Variants in TMEM131L observed in about 807,000 individuals in gnomAD.
TMEM131L encodes transmembrane 131 like, also known as transmembrane protein 131-like.
Under a neutral mutation model 192.2 loss-of-function variants are expected in TMEM131L, and 54 were observed. That is an observed-to-expected ratio of 0.28 (90% CI 0.23 to 0.35). The LOEUF (loss-of-function observed/expected upper bound fraction) is 0.35, where lower values mean the gene tolerates loss of function less well. Ranked by LOEUF, TMEM131L falls within the 10% of genes least tolerant of loss-of-function variation. The probability of loss-of-function intolerance (pLI) is 1.00; values close to 1 mark genes in which losing one functional copy is unlikely to be tolerated. For missense variants in TMEM131L, 1,888 were observed against 1,972.9 expected (o/e 0.96, Z 0.82); for synonymous variants, 701 against 704.9 (o/e 0.99, Z 0.09).
chr4:153,624,103 A>AT (rs1733649865), intron 29 of TMEM131L, among the ~76,000 whole-genome samples: 1 of 123,296 alleles, frequency 8.1e-6, no homozygotes. Context: ...CTTTTCACTC[A>AT]GTTTTTTTTT....
At chr4:153,598,289 A>G (rs1022545803) in intron 20 of TMEM131L, among the ~76,000 whole-genome samples, 6 of 151,092 alleles carry the variant, frequency 4.0e-5, no homozygotes, top group African/African-American at 1.5e-4. Context: ...GTTTCTAGTT[A>G]TTAGAAAAAT....
chr4:153,593,726 G>GCA (rs1273704226), intron 18 of TMEM131L, 73 bp from the exon 19 acceptor site: 26 of 958,486 alleles, frequency 2.7e-5, no homozygotes, highest in Non-Finnish European at 3.9e-5. Flanking sequence ...GTATATATGT[G>GCA]CACACACTTA....
At position 153,491,956 on chromosome 4, in the gene TMEM131L, C is replaced by T. The variant is rs181194278; in HGVS notation, c.239+18068C>T. Among the ~76,000 whole-genome samples, 157 of 152,042 alleles carry T rather than the reference C, an allele frequency of 1.0e-3. 1 individual carries two copies. Among genetic ancestry groups the T allele is most frequent in the Non-Finnish European group, 1.8e-3 (122 of 67,940 alleles). On this transcript the variant is annotated intron_variant, in intron 3 of 34. Transcript: ENST00000409959. ...CCTAAGCTCAAGTGATCCACCCACT[C>T]CCCAAAGTGTTGGGATTGTAGGCAG... is the stretch of plus-strand genomic sequence containing the variant.
At chr4:153,509,479 C>A (rs903123233) in intron 3 of TMEM131L, among the ~76,000 whole-genome samples, 1 of 152,144 alleles carries the variant, frequency 6.6e-6, no homozygotes, top group Non-Finnish European at 1.5e-5. Flanking sequence ...GTAATCCCAG[C>A]ACTTTAGGAG....
chr4:153,632,647 G>C (rs1734289391), intron 31 of TMEM131L, 71 bp from the exon 32 acceptor site: 3 of 1,581,604 alleles, frequency 1.9e-6, no homozygotes, highest in Non-Finnish European at 2.6e-6. Context: ...GGAGGGAAGG[G>C]CAGGTGCAGG....
rs538052904 is a variant in TMEM131L, at chr4:153,530,252, T to G, written c.240-19821T>G. ...GGAAGTGGCATTAGTATACTTAAACTGATAGTTTAAGTGTCATTAATTTGG... is the reference window on the plus strand; with the variant it reads ...GGAAGTGGCATTAGTATACTTAAACGGATAGTTTAAGTGTCATTAATTTGG... On this transcript the variant is annotated intron_variant, in intron 3 of 34. Transcript: ENST00000409959. Among the ~76,000 whole-genome samples, 8 of 152,286 alleles carry G rather than the reference T, an allele frequency of 5.3e-5. No individual in the cohort carries two copies. In the East Asian group the frequency reaches 1.5e-3, roughly 29 times the overall value.
At chr4:153,499,144 A>T (rs1017243437) in intron 3 of TMEM131L, among the ~76,000 whole-genome samples, 1 of 152,192 alleles carries the variant, frequency 6.6e-6, no homozygotes, top group African/African-American at 2.4e-5. Context: ...GTGTTTAGGG[A>T]TGGGCCAGGC....
chr4:153,627,532 C>A, intron 30 of TMEM131L, 73 bp from the exon 31 acceptor site: 1 of 1,127,456 alleles, frequency 8.9e-7, no homozygotes, highest in Non-Finnish European at 1.3e-6. Flanking sequence ...CTCAATCAGA[C>A]GTGGTTATAC....
chr4:153,611,829 A>G lies in TMEM131L; in HGVS notation c.3419-423A>G, dbSNP rs113235051. 2.2e-4 allele frequency among the ~76,000 whole-genome samples: 34 copies of G among 152,338 alleles called. No homozygotes were observed. In the Middle Eastern group the frequency reaches 0.01, roughly 46 times the overall value. On this transcript the variant is annotated intron_variant, in intron 25 of 34. Transcript: ENST00000409959. The stretch of plus-strand genomic sequence containing the variant: ...CTTTCATTCCTTTTTTGAAAAAACC[A>G]TCTTGACCATCTTAACCGTACAGTT...
intron 3 of TMEM131L, among the ~76,000 whole-genome samples, chr4:153,514,798 C>T (rs1340750048): frequency 6.6e-6 from 1 of 151,980 alleles, no homozygotes; most frequent in African/African-American, 2.4e-5. Context: ...ATTCACATTA[C>T]TTCACCCTGT....
chr4:153,619,994 C>T (rs1468412807), intron 26 of TMEM131L, among the ~76,000 whole-genome samples: 1 of 152,154 alleles, frequency 6.6e-6, no homozygotes, highest in African/African-American at 2.4e-5. Flanking sequence ...CGCCCACCCA[C>T]TGACAGTGTC....
intron 3 of TMEM131L, among the ~76,000 whole-genome samples, chr4:153,529,646 A>ATAAATTTTATTTATTTTAT (rs1735744708): frequency 1.3e-5 from 2 of 152,198 alleles, no homozygotes; most frequent in East Asian, 3.8e-4. Context: ...ACAAGGGAAA[A>ATAAATTTTATTTATTTTAT]TAAATTTTAA....
In TMEM131L at chr4:153,478,012, A is replaced by G. The variant is rs185279367; in HGVS notation, c.239+4124A>G. On this transcript the variant is annotated intron_variant, in intron 3 of 34. Transcript: ENST00000409959. Reference sequence around the variant, plus strand: ...CTGGATTCATTTTAAAACTCAGTACATCATAGTTCACAGTCTGATCAACCT... The same window carrying G: ...CTGGATTCATTTTAAAACTCAGTACGTCATAGTTCACAGTCTGATCAACCT... 9.2e-4 allele frequency among the ~76,000 whole-genome samples: 140 copies of G among 152,332 alleles called. 1 individual carries two copies. Among genetic ancestry groups the G allele is most frequent in the African/African-American group, 3.3e-3 (136 of 41,586 alleles).
Position 153,586,283 on chromosome 4 carries a change from A to T in TMEM131L, c.1386A>T (p.Lys462Asn), listed in dbSNP as rs112377774. 37 of 1,604,878 alleles carry T rather than the reference A, an allele frequency of 2.3e-5. No individual in the cohort carries two copies. Among genetic ancestry groups the T allele is most frequent in the Non-Finnish European group, 3.0e-5 (35 of 1,176,752 alleles). ...WNIFSLKLAV[K>N]DIAINLFTNV... ...TATTTTCTTTGAAACTTGCTGTTAA[A>T]GACATTGCCATAAATCTATTCACCA... is the stretch of plus-strand genomic sequence containing the variant. Residue 462 changes from lysine (K) to asparagine (N), a missense_variant, in exon 14 of 35, where the codon AAA becomes AAT. Lys to Asn is a moderately conservative substitution (Grantham distance 94, BLOSUM62 0). Transcript: ENST00000409959.
intron 3 of TMEM131L, among the ~76,000 whole-genome samples, chr4:153,478,430 G>C (rs1171487856): frequency 6.6e-6 from 1 of 152,092 alleles, no homozygotes; most frequent in Non-Finnish European, 1.5e-5. Flanking sequence ...TAAATTTATA[G>C]AAAAATTACA....
chr4:153,502,864 T>C (rs1372804380), intron 3 of TMEM131L, among the ~76,000 whole-genome samples: 1 of 152,210 alleles, frequency 6.6e-6, no homozygotes, highest in African/African-American at 2.4e-5. Context: ...CTTAGGTTTT[T>C]CACATTATTA....
At chr4:153,563,668 A>G (rs951272166) in intron 7 of TMEM131L, among the ~76,000 whole-genome samples, 6 of 151,732 alleles carry the variant, frequency 4.0e-5, no homozygotes, top group Admixed American at 2.0e-4. Flanking sequence ...AGATTTTGCC[A>G]TGTTGCCCTG....
chr4:153,594,753 G>A (rs1731309018), intron 19 of TMEM131L, among the ~76,000 whole-genome samples: 1 of 152,186 alleles, frequency 6.6e-6, no homozygotes. Flanking sequence ...TTTCTTAAGT[G>A]TTGAGGCAGC....
intron 9 of TMEM131L, among the ~76,000 whole-genome samples, chr4:153,582,430 G>GTT (rs1561212531): frequency 2.1e-4 from 8 of 38,506 alleles, no homozygotes; most frequent in East Asian, 8.1e-4. Context: ...GTTTTTTTTT[G>GTT]TTGTTTTTTT....
Sources: gnomAD v4.1 joint callset for allele counts (sites outside exome capture counted in the v4.1 genomes callset) on GRCh38, gnomAD v4.1.1 for gene constraint, MANE v1.5 for transcripts, NCBI Gene and HGNC (gene_info 2026-07-23, HGNC 2026-07-21) for gene names.